The following MCPH1 variants were observed in gnomAD, a reference collection of about 807,000 sequenced individuals.
MCPH1 encodes microcephalin.
A neutral mutation model predicts 84.5 loss-of-function variants in MCPH1; 104 were observed. The ratio of observed to expected loss-of-function variants is 1.23; its 90% confidence interval spans 1.05 to 1.45. The LOEUF is 1.45. Ranked by LOEUF, MCPH1 falls within the 40% of genes most tolerant of loss-of-function variation. MCPH1 has a pLI of 0.00. For missense variants in MCPH1, 1,498 were observed against 1,005.7 expected (o/e 1.49, Z -6.62); for synonymous variants, 514 against 366.8 (o/e 1.40, Z -4.58).
intron 6 of MCPH1, among the ~76,000 whole-genome samples, chr8:6,439,949 A>G (rs1456211043): frequency 2.6e-5 from 4 of 152,202 alleles, no homozygotes; most frequent in Admixed American, 1.3e-4. Context: ...AGTGTATCAG[A>G]TATCTGTGTA....
chr8:6,544,405 A>T (rs1359268199), intron 12 of MCPH1, among the ~76,000 whole-genome samples: 1 of 152,244 alleles, frequency 6.6e-6, no homozygotes, highest in South Asian at 2.1e-4. Flanking sequence ...GACTTTGGGC[A>T]AATCACTGAA....
At chr8:6,536,494 C>T (rs939086589) in intron 12 of MCPH1, among the ~76,000 whole-genome samples, 1 of 152,108 alleles carries the variant, frequency 6.6e-6, no homozygotes. Flanking sequence ...ACAGACCACC[C>T]ACCCCTCAGT....
chr8:6,605,856 C>A (rs552008951), intron 12 of MCPH1, among the ~76,000 whole-genome samples: 1 of 152,138 alleles, frequency 6.6e-6, no homozygotes, highest in Non-Finnish European at 1.5e-5. Flanking sequence ...TGCCACCATG[C>A]CCAACTAATT....
Position 6,431,918 on chromosome 8 carries a change from G to C in MCPH1, c.321+332G>C, listed in dbSNP as rs989154817. ...TCTGTAGCCAAAATACCTGCATTCT[G>C]TTTAGCCAGATAAATCTCAAAAGTC... On this transcript the variant is annotated intron_variant, in intron 4 of 13. Coordinates refer to ENST00000344683, the MANE Select transcript of MCPH1 (RefSeq NM_024596.5). Among the ~76,000 whole-genome samples, 5 of 152,302 alleles carry C rather than the reference G, an allele frequency of 3.3e-5. No homozygotes were observed. The East Asian group carries it at 9.6e-4, about 29-fold the overall frequency.
intron 12 of MCPH1, among the ~76,000 whole-genome samples, chr8:6,567,625 G>A (rs975081473): frequency 3.3e-5 from 5 of 152,196 alleles, no homozygotes; most frequent in African/African-American, 1.2e-4. Flanking sequence ...GGTCTGCCAG[G>A]CCACTGACCA....
chr8:6,639,220 G>C (rs1797768352), intron 13 of MCPH1, among the ~76,000 whole-genome samples: 1 of 152,122 alleles, frequency 6.6e-6, no homozygotes, highest in South Asian at 2.1e-4. Flanking sequence ...TGGGTAGATG[G>C]GTGGATGGAG....
intron 12 of MCPH1, among the ~76,000 whole-genome samples, chr8:6,529,264 C>T (rs571809579): frequency 3.3e-5 from 5 of 152,274 alleles, no homozygotes; most frequent in South Asian, 2.1e-4. Flanking sequence ...GACCTCCAGC[C>T]ACCCATTGTT....
At position 6,430,584 on chromosome 8, in the gene MCPH1, C is replaced by G. The variant is rs1379569718; in HGVS notation, c.234-915C>G. Reference sequence around the variant, plus strand: ...TTCCTAATATATTTTGTAGAAATTTCTATATCAATATGGATATGTGTTTTT... The same window carrying G: ...TTCCTAATATATTTTGTAGAAATTTGTATATCAATATGGATATGTGTTTTT... On this transcript the variant is annotated intron_variant, in intron 3 of 13. Coordinates refer to ENST00000344683, the MANE Select transcript of MCPH1 (RefSeq NM_024596.5). Among the ~76,000 whole-genome samples the G allele has an allele frequency of 2.6e-5, 4 of 152,270 alleles. No homozygotes were observed. In the South Asian group the frequency reaches 6.2e-4, roughly 24 times the overall value.
intron 13 of MCPH1, among the ~76,000 whole-genome samples, chr8:6,639,186 T>A (rs1304595848): frequency 6.6e-6 from 1 of 152,090 alleles, no homozygotes; most frequent in African/African-American, 2.4e-5. Context: ...GTTGGATGGA[T>A]GGGTAGACGG....
rs1214599718 is a variant in MCPH1 at position 6,444,438 on chromosome 8, G to T, written c.716G>T (p.Cys239Phe). Residue 239 changes from cysteine (C) to phenylalanine (F), a missense_variant, in exon 8 of 14, where the codon TGT (cysteine) becomes TTT (phenylalanine). By Grantham distance (205) the Cys-to-Phe change is radical. Transcript: ENST00000344683. ...TTACACTCATCTTTTGATGATCTTT[G>T]TGGAAACTCAGGATGTGGAAATCAG... ...GGLHSSFDDL[C>F]GNSGCGNQER... The T allele has an allele frequency of 1.9e-6, 3 of 1,614,026 alleles. No homozygotes were observed. The East Asian group carries it at 6.7e-5, about 36-fold the overall frequency.
At chr8:6,533,792 G>A (rs1397577929) in intron 12 of MCPH1, among the ~76,000 whole-genome samples, 1 of 152,032 alleles carries the variant, frequency 6.6e-6, no homozygotes, top group East Asian at 1.9e-4. Context: ...AACCATTCGT[G>A]GAGTCAGTCA....
At chr8:6,536,259 G>T (rs2959809) in intron 12 of MCPH1, among the ~76,000 whole-genome samples, 53,803 of 151,708 alleles carry the variant, frequency 0.35, 9,866 homozygotes, top group Non-Finnish European at 0.4. Context: ...TTGGTTGCCG[G>T]CACTGCCTGT....
intron 12 of MCPH1, among the ~76,000 whole-genome samples, chr8:6,591,447 A>C (rs1828446285): frequency 6.6e-6 from 1 of 151,982 alleles, no homozygotes; most frequent in Non-Finnish European, 1.5e-5. Context: ...AGCCATGGAA[A>C]TGTTCCCATG....
intron 2 of MCPH1, among the ~76,000 whole-genome samples, chr8:6,410,807 T>C (rs569457903): frequency 6.6e-6 from 1 of 152,248 alleles, no homozygotes; most frequent in East Asian, 1.9e-4. Flanking sequence ...ACAAGCATAG[T>C]TGGGATTCAT....
chr8:6,457,957 G>A (rs1805877596), intron 9 of MCPH1, among the ~76,000 whole-genome samples: 1 of 152,174 alleles, frequency 6.6e-6, no homozygotes. Context: ...CCCCAAGCCA[G>A]ACATGCTGGT....
chr8:6,420,898 C>T (rs575096709), intron 3 of MCPH1, among the ~76,000 whole-genome samples: 2 of 152,058 alleles, frequency 1.3e-5, no homozygotes, highest in Non-Finnish European at 2.9e-5. Flanking sequence ...GAGACTGACG[C>T]AAGGGTCAGA....
At chr8:6,517,811 T>G (rs1045875886) in intron 12 of MCPH1, among the ~76,000 whole-genome samples, 7 of 152,232 alleles carry the variant, frequency 4.6e-5, no homozygotes, top group African/African-American at 1.7e-4. Flanking sequence ...CATCCAAGTC[T>G]GTCTATCTCT....
chr8:6,517,719 G>A (rs982732988), intron 12 of MCPH1, among the ~76,000 whole-genome samples: 5 of 152,064 alleles, frequency 3.3e-5, no homozygotes, highest in Non-Finnish European at 5.9e-5. Flanking sequence ...GGGTATCATT[G>A]TTCTGTTACA....
At chr8:6,472,261 G>C (rs1807825134) in intron 9 of MCPH1, among the ~76,000 whole-genome samples, 1 of 152,068 alleles carries the variant, frequency 6.6e-6, no homozygotes, top group South Asian at 2.1e-4. Context: ...TTTTAGAGGG[G>C]ACATAAACAC....
Sources: allele counts gnomAD v4.1 joint callset (sites outside exome capture counted in the v4.1 genomes callset), GRCh38; gene constraint gnomAD v4.1.1; transcripts MANE v1.5; gene names NCBI Gene and HGNC (gene_info 2026-07-23, HGNC 2026-07-21).